The following AFF2 variants were observed in gnomAD, a reference collection of about 807,000 sequenced individuals.
The protein encoded by AFF2 is AF4/FMR2 family member 2.
Under a neutral mutation model 76.9 loss-of-function variants are expected in AFF2, and 14 were observed. The observed-to-expected ratio is 0.18, with a 90% CI of 0.12 to 0.28. The LOEUF is 0.28. Ranked by LOEUF, AFF2 falls within the 10% of genes least tolerant of loss-of-function variation. The probability of loss-of-function intolerance (pLI) is 1.00; values close to 1 mark genes in which losing one functional copy is unlikely to be tolerated. For synonymous variants in AFF2, 398 were observed against 366.7 expected, an observed-to-expected ratio of 1.09 and a Z score of -0.98; for missense variants, 868 against 1,001.1, an observed-to-expected ratio of 0.87 and a Z score of 1.79.
intron 19 of AFF2, among the ~76,000 whole-genome samples, chrX:148,983,669 T>C (rs2072421889): frequency 1.8e-5 from 2 of 111,038 alleles, no homozygotes; most frequent in Non-Finnish European, 3.8e-5. Context: ...TCCTCTAGTA[T>C]ACTCTTTGCT....
chrX:148,982,151 T>A (rs1291048231), intron 19 of AFF2, among the ~76,000 whole-genome samples: 1 of 112,090 alleles, frequency 8.9e-6, no homozygotes, highest in African/African-American at 3.2e-5. Context: ...AAAAAAATTC[T>A]GAAACGCAAG....
At chrX:148,902,715 A>C (rs1335992848) in intron 8 of AFF2, among the ~76,000 whole-genome samples, 2 of 111,903 alleles carry the variant, frequency 1.8e-5, no homozygotes, top group African/African-American at 6.5e-5. Flanking sequence ...CCAGCCAGAC[A>C]CATATTTCTT....
intron 3 of AFF2, among the ~76,000 whole-genome samples, chrX:148,794,263 A>G (rs945121834): frequency 4.5e-5 from 5 of 112,347 alleles, no homozygotes; most frequent in African/African-American, 1.3e-4. Flanking sequence ...GTCTGCCTTC[A>G]TTCCAGCCTT....
At chrX:148,661,812 A>C (rs1373154526) in intron 2 of AFF2, 96 bp from the exon 3 acceptor site, 1 of 881,024 alleles carries the variant, frequency 1.1e-6, no homozygotes, top group Non-Finnish European at 1.6e-6. Flanking sequence ...ATCCCGTATG[A>C]TAGTCTACTT....
chrX:148,688,015 C>A (rs2054615824), intron 3 of AFF2, among the ~76,000 whole-genome samples: 1 of 110,711 alleles, frequency 9.0e-6, no homozygotes, highest in African/African-American at 3.3e-5. Context: ...TGCCAGAAGC[C>A]TGGAATCACC....
chrX:148,712,343 A>G (rs1557262971), intron 3 of AFF2, among the ~76,000 whole-genome samples: 1 of 112,086 alleles, frequency 8.9e-6, no homozygotes, highest in East Asian at 2.8e-4. Context: ...TCATTTTCAA[A>G]GAATAACATT....
chrX:148,730,496 T>A (rs5980585), intron 3 of AFF2, among the ~76,000 whole-genome samples: 2,025 of 112,930 alleles, frequency 0.018, 44 homozygotes, highest in African/African-American at 0.062. Context: ...GACCTCAGAT[T>A]ATTGTAGAGT....
At chrX:148,751,099 A>C (rs2055493788) in intron 3 of AFF2, among the ~76,000 whole-genome samples, 1 of 112,632 alleles carries the variant, frequency 8.9e-6, no homozygotes, top group Non-Finnish European at 1.9e-5. Flanking sequence ...GCTGACTATA[A>C]TTGAAACCAC....
intron 1 of AFF2, among the ~76,000 whole-genome samples, chrX:148,600,107 C>T (rs1156539123): frequency 4.4e-5 from 5 of 112,369 alleles, no homozygotes; most frequent in African/African-American, 1.6e-4. Flanking sequence ...TGTGACTCTT[C>T]CACATTTGGT....
rs1261774818 is a variant in AFF2 at position 148,526,196 on chromosome X, T to C, written c.47+25052T>C. 8.1e-5 allele frequency among the ~76,000 whole-genome samples: 9 copies of C among 111,319 alleles called. No homozygotes were observed. In the East Asian group the frequency reaches 2.5e-3, roughly 31 times the overall value. On this transcript the variant is annotated intron_variant, in intron 1 of 20. Coordinates refer to ENST00000370460, the MANE Select transcript of AFF2 (RefSeq NM_002025.4). The stretch of plus-strand genomic sequence containing the variant: ...TTTAGTCGGTGGATTCTTATTTTAT[T>C]TAATGAGTTATAATCCATTACTATC...
chrX:148,687,482 A>G lies in AFF2; in HGVS notation c.1041+24714A>G, dbSNP rs1330727770. Among the ~76,000 whole-genome samples the G allele has an allele frequency of 3.6e-5, 4 of 111,889 alleles. No homozygotes were observed. The South Asian group carries it at 1.5e-3, about 41-fold the overall frequency. Reference sequence around the variant, plus strand: ...TATGTAATACCTTTCATACTAGAAAAAATGTTGAAGGGCATATTTTCAAAT... The same window carrying G: ...TATGTAATACCTTTCATACTAGAAAGAATGTTGAAGGGCATATTTTCAAAT... On this transcript the variant is annotated intron_variant, in intron 3 of 20. Transcript: ENST00000370460.
intron 3 of AFF2, among the ~76,000 whole-genome samples, chrX:148,760,694 T>G (rs2069429164): frequency 8.9e-6 from 1 of 112,155 alleles, no homozygotes; most frequent in Non-Finnish European, 1.9e-5. Context: ...AACAGTGAAG[T>G]ATGCTGAGGT....
chrX:148,652,940 T>C (rs1266580018), intron 2 of AFF2, among the ~76,000 whole-genome samples: 4 of 111,917 alleles, frequency 3.6e-5, no homozygotes, highest in Non-Finnish European at 5.6e-5. Flanking sequence ...AGTACAACAA[T>C]AGAGAAAATT....
chrX:148,698,319 A>G (rs782203539), intron 3 of AFF2, among the ~76,000 whole-genome samples: 5 of 112,553 alleles, frequency 4.4e-5, no homozygotes, highest in Non-Finnish European at 5.6e-5. Flanking sequence ...ATCCATCTTA[A>G]TTTATTTTTG....
intron 8 of AFF2, among the ~76,000 whole-genome samples, chrX:148,892,643 G>A (rs543089021): frequency 3.6e-5 from 4 of 111,371 alleles, no homozygotes; most frequent in South Asian, 3.8e-4. Flanking sequence ...TTGAAAGCCC[G>A]CATTTATATT....
chrX:148,948,717 T>A (rs1273920164), intron 9 of AFF2, among the ~76,000 whole-genome samples: 1 of 110,277 alleles, frequency 9.1e-6, no homozygotes, highest in Non-Finnish European at 1.9e-5. Flanking sequence ...GGATTAGCCA[T>A]CTCTCAGAAC....
chrX:148,624,465 G>T (rs1257685739), intron 1 of AFF2, among the ~76,000 whole-genome samples: 1 of 111,919 alleles, frequency 8.9e-6, no homozygotes, highest in Non-Finnish European at 1.9e-5. Context: ...TATATTGCCT[G>T]TGCAGATATT....
intron 9 of AFF2, among the ~76,000 whole-genome samples, chrX:148,948,569 A>G (rs912812620): frequency 9.0e-6 from 1 of 111,589 alleles, no homozygotes; most frequent in African/African-American, 3.3e-5. Context: ...TTGCAACAGC[A>G]GAGAAGGGGC....
At chrX:148,607,586 A>G (rs2046745167) in intron 1 of AFF2, among the ~76,000 whole-genome samples, 1 of 111,270 alleles carries the variant, frequency 9.0e-6, no homozygotes, top group African/African-American at 3.3e-5. Context: ...ATTACCCAGT[A>G]TCGAGTATTT....
Sources: allele counts gnomAD v4.1 joint callset (sites outside exome capture counted in the v4.1 genomes callset), GRCh38; gene constraint gnomAD v4.1.1; transcripts MANE v1.5; gene names NCBI Gene and HGNC (gene_info 2026-07-23, HGNC 2026-07-21).